The following NRXN3 variants were observed in gnomAD, a reference collection of about 807,000 sequenced individuals.
NRXN3 encodes the protein neurexin 3, also known as neurexin III.
NRXN3 carries 32 observed loss-of-function variants against 137.6 expected under a neutral mutation model. The ratio of observed to expected loss-of-function variants is 0.23; its 90% CI spans 0.18 to 0.31. The LOEUF is 0.31. Ranked by LOEUF, NRXN3 falls within the 10% of genes least tolerant of loss-of-function variation. NRXN3 has a pLI of 1.00. For missense variants in NRXN3, 1,574 were observed against 2,062.5 expected (o/e 0.76, Z 4.59); for synonymous variants, 798 against 784.5 (o/e 1.02, Z -0.29).
intron 15 of NRXN3, among the ~76,000 whole-genome samples, chr14:79,143,423 A>G (rs141424930): frequency 2.6e-5 from 4 of 152,354 alleles, no homozygotes; most frequent in Middle Eastern, 3.4e-3. Flanking sequence ...CAGCATCTAG[A>G]TTGAACTCTC....
chr14:78,552,345 G>C (rs781078321), intron 4 of NRXN3, among the ~76,000 whole-genome samples: 6 of 152,152 alleles, frequency 3.9e-5, no homozygotes, highest in Non-Finnish European at 8.8e-5. Flanking sequence ...CAACACACAG[G>C]ATGGTGATAA....
chr14:78,742,404 TAAG>T, intron 8 of NRXN3, among the ~76,000 whole-genome samples: 1 of 152,222 alleles, frequency 6.6e-6, no homozygotes, highest in East Asian at 1.9e-4. Context: ...GAAATTCTAT[TAAG>T]AACTATTTCA....
chr14:78,920,530 C>G (rs71414769), intron 10 of NRXN3, among the ~76,000 whole-genome samples: 16,534 of 152,084 alleles, frequency 0.11, 1,231 homozygotes, highest in Non-Finnish European at 0.16. Flanking sequence ...CAACTGGGTG[C>G]CCAACAATTT....
chr14:79,273,220 T>C (rs2079677342), intron 15 of NRXN3, among the ~76,000 whole-genome samples: 1 of 150,896 alleles, frequency 6.6e-6, no homozygotes, highest in South Asian at 2.1e-4. Flanking sequence ...GGGAGGGTGT[T>C]TACTCCCTGC....
At chr14:78,372,132 T>A (rs1470326489) in intron 4 of NRXN3, among the ~76,000 whole-genome samples, 1 of 151,194 alleles carries the variant, frequency 6.6e-6, no homozygotes, top group Non-Finnish European at 1.5e-5. Context: ...AACAAGGATA[T>A]CCACATTTTA....
chr14:79,254,003 T>C (rs1178080900), intron 15 of NRXN3, among the ~76,000 whole-genome samples: 6 of 152,214 alleles, frequency 3.9e-5, no homozygotes, highest in Non-Finnish European at 8.8e-5. Flanking sequence ...CATGAGAGCA[T>C]CTAAAAGAGA....
intron 8 of NRXN3, among the ~76,000 whole-genome samples, chr14:78,754,864 A>C (rs1165809699): frequency 6.7e-6 from 1 of 149,130 alleles, no homozygotes; most frequent in East Asian, 2.0e-4. Context: ...ACAGAGTCTC[A>C]CTGTGTTGCC....
chr14:78,315,111 A>G (rs1401850123), intron 4 of NRXN3, among the ~76,000 whole-genome samples: 3 of 151,406 alleles, frequency 2.0e-5, no homozygotes, highest in Admixed American at 1.3e-4. Context: ...TCTTGGGTTC[A>G]AGCAATTCTT....
At chr14:79,591,876 A>G (rs2097806637) in intron 16 of NRXN3, among the ~76,000 whole-genome samples, 1 of 152,162 alleles carries the variant, frequency 6.6e-6, no homozygotes. Flanking sequence ...ATTCATTTTA[A>G]TGTTTGGATT....
intron 2 of NRXN3, among the ~76,000 whole-genome samples, chr14:78,274,236 C>T (rs1171132572): frequency 6.6e-6 from 1 of 152,150 alleles, no homozygotes; most frequent in Non-Finnish European, 1.5e-5. Context: ...ATGCCTGAGA[C>T]TGGGTAATTT....
At chr14:78,733,778 ACCACTGTGG>A (rs2098528023) in intron 8 of NRXN3, among the ~76,000 whole-genome samples, 1 of 152,188 alleles carries the variant, frequency 6.6e-6, no homozygotes, top group African/African-American at 2.4e-5. Context: ...GCCATCTGTT[ACCACTGTGG>A]TTTACTACCA....
At chr14:79,527,569 G>A (rs2097131941) in intron 16 of NRXN3, among the ~76,000 whole-genome samples, 1 of 151,738 alleles carries the variant, frequency 6.6e-6, no homozygotes, top group African/African-American at 2.4e-5. Flanking sequence ...TGCTTATCAT[G>A]TTAGAAAGAA....
At chr14:78,700,163 C>T (rs1173502590) in intron 6 of NRXN3, among the ~76,000 whole-genome samples, 1 of 152,182 alleles carries the variant, frequency 6.6e-6, no homozygotes, top group Non-Finnish European at 1.5e-5. Context: ...CATGGTCTAT[C>T]CTCCATGGTC....
chr14:78,553,608 A>G (rs2096712696), intron 4 of NRXN3, among the ~76,000 whole-genome samples: 1 of 152,230 alleles, frequency 6.6e-6, no homozygotes, highest in East Asian at 1.9e-4. Context: ...AGTGGTTCTT[A>G]TTCTTTGAGG....
chr14:78,539,649 T>A (rs530280326), intron 4 of NRXN3, among the ~76,000 whole-genome samples: 12 of 152,326 alleles, frequency 7.9e-5, no homozygotes, highest in African/African-American at 2.9e-4. Context: ...TGCCTTCTGC[T>A]AACTTTTGAA....
chr14:78,973,699 C>T (rs915719206), intron 14 of NRXN3, among the ~76,000 whole-genome samples: 1 of 152,062 alleles, frequency 6.6e-6, no homozygotes, highest in Admixed American at 6.6e-5. Flanking sequence ...TCAGTAATGG[C>T]CCACTGATCC....
intron 15 of NRXN3, among the ~76,000 whole-genome samples, chr14:78,999,232 C>CTT (rs2099536609): frequency 6.6e-6 from 1 of 152,032 alleles, no homozygotes; most frequent in Admixed American, 6.6e-5. Context: ...ATGAAGGAAC[C>CTT]TTGCATTATT....
intron 15 of NRXN3, among the ~76,000 whole-genome samples, chr14:79,245,687 A>G (rs2075061644): frequency 6.6e-6 from 1 of 152,152 alleles, no homozygotes; most frequent in South Asian, 2.1e-4. Context: ...GTTTCTGATG[A>G]TAAGTTTCAT....
At chr14:79,820,159 C>T (rs1603615745) in intron 20 of NRXN3, among the ~76,000 whole-genome samples, 1 of 152,268 alleles carries the variant, frequency 6.6e-6, no homozygotes, top group Admixed American at 6.5e-5. Flanking sequence ...TTTCCCTGTA[C>T]TCTTTGATTT....
Sources: allele counts gnomAD v4.1 joint callset (sites outside exome capture counted in the v4.1 genomes callset), GRCh38; gene constraint gnomAD v4.1.1; transcripts MANE v1.5; gene names NCBI Gene and HGNC (gene_info 2026-07-23, HGNC 2026-07-21).